The following ATP8A2 variants were observed in gnomAD, a reference collection of about 807,000 sequenced individuals.
The protein encoded by ATP8A2 is phospholipid-transporting ATPase IB.
ATP8A2 carries 100 observed loss-of-function variants against 165.6 expected under a neutral mutation model. The observed-to-expected ratio is 0.60, with a 90% CI of 0.51 to 0.71. The LOEUF (loss-of-function observed/expected upper bound fraction) is 0.71, where lower values mean the gene tolerates loss of function less well. ATP8A2 is among the 30% of genes least tolerant of loss of function. The probability of loss-of-function intolerance (pLI) is 0.00; values close to 1 mark genes in which losing one functional copy is unlikely to be tolerated. For missense variants in ATP8A2, 1,227 were observed against 1,479.5 expected (o/e 0.83, Z 2.80); for synonymous variants, 543 against 548.8 (o/e 0.99, Z 0.15).
At chr13:25,846,179 A>G (rs9319245) in intron 30 of ATP8A2, among the ~76,000 whole-genome samples, 2,257 of 152,290 alleles carry the variant, frequency 0.015, 72 homozygotes, top group African/African-American at 0.049. Flanking sequence ...CAGTCCCAAA[A>G]CAAAACAAAA....
At chr13:25,523,008 C>G (rs2037718413) in intron 2 of ATP8A2, among the ~76,000 whole-genome samples, 1 of 151,738 alleles carries the variant, frequency 6.6e-6, no homozygotes, top group Admixed American at 6.6e-5. Context: ...GCCTGTAATC[C>G]TAGTTACTCT....
intron 1 of ATP8A2, among the ~76,000 whole-genome samples, chr13:25,450,372 T>G (rs925440234): frequency 3.3e-5 from 5 of 152,200 alleles, no homozygotes; most frequent in Non-Finnish European, 5.9e-5. Context: ...GGTATTTTTC[T>G]GTCTTTAGAT....
chr13:25,691,539 G>A (rs926277054), intron 24 of ATP8A2, among the ~76,000 whole-genome samples: 7 of 152,190 alleles, frequency 4.6e-5, no homozygotes, highest in Non-Finnish European at 8.8e-5. Flanking sequence ...TGGGGTAAGT[G>A]GGAAAAGATA....
intron 15 of ATP8A2, among the ~76,000 whole-genome samples, chr13:25,561,612 T>A (rs1018985323): frequency 2.0e-5 from 3 of 151,714 alleles, no homozygotes; most frequent in Non-Finnish European, 2.9e-5. Context: ...TATATTTTCA[T>A]TTCTTTTTGT....
intron 1 of ATP8A2, among the ~76,000 whole-genome samples, chr13:25,377,062 G>A (rs190983188): frequency 5.1e-4 from 77 of 152,308 alleles, no homozygotes; most frequent in African/African-American, 1.8e-3. Context: ...CATTTACAAC[G>A]GATGTGTTAT....
intron 33 of ATP8A2, among the ~76,000 whole-genome samples, chr13:25,882,515 A>G (rs1227017626): frequency 4.6e-5 from 7 of 152,196 alleles, no homozygotes; most frequent in Admixed American, 3.3e-4. Context: ...AGAAAATTGA[A>G]TTATGTAGGT....
chr13:25,811,303 T>C (rs1347322312), intron 27 of ATP8A2, among the ~76,000 whole-genome samples: 1 of 152,188 alleles, frequency 6.6e-6, no homozygotes, highest in East Asian at 1.9e-4. Context: ...AATGTCAATG[T>C]AGAAATGAAA....
At chr13:25,670,361 C>T (rs568969235) in intron 24 of ATP8A2, among the ~76,000 whole-genome samples, 5 of 152,310 alleles carry the variant, frequency 3.3e-5, no homozygotes, top group Admixed American at 2.0e-4. Flanking sequence ...ATCAGACGTT[C>T]TGCAGTCTCT....
At chr13:25,567,178 C>A (rs1045109857) in intron 16 of ATP8A2, 1 of 347,368 alleles carries the variant, frequency 2.9e-6, no homozygotes, top group Non-Finnish European at 5.7e-6. Context: ...CTTTCCAAAG[C>A]TGGCCCGGGA....
At chr13:25,626,374 G>A (rs977354059) in intron 24 of ATP8A2, among the ~76,000 whole-genome samples, 1 of 152,162 alleles carries the variant, frequency 6.6e-6, no homozygotes, top group Non-Finnish European at 1.5e-5. Flanking sequence ...AAGAGCACAA[G>A]AGCATGTGTG....
intron 24 of ATP8A2, among the ~76,000 whole-genome samples, chr13:25,613,679 C>T (rs749034157): frequency 1.3e-5 from 2 of 152,178 alleles, no homozygotes; most frequent in Non-Finnish European, 2.9e-5. Flanking sequence ...AAAAGACTAT[C>T]TTTCCTTCAT....
At chr13:25,376,608 T>C (rs903352821) in intron 1 of ATP8A2, among the ~76,000 whole-genome samples, 4 of 152,272 alleles carry the variant, frequency 2.6e-5, no homozygotes, top group Non-Finnish European at 4.4e-5. Flanking sequence ...TCTGTGGGTA[T>C]GTGCATATAA....
At chr13:25,625,862 C>T (rs565994266) in intron 24 of ATP8A2, among the ~76,000 whole-genome samples, 83 of 152,208 alleles carry the variant, frequency 5.5e-4, no homozygotes, top group African/African-American at 1.9e-3. Context: ...TCCCATTTTA[C>T]GGATGAATAT....
At chr13:25,490,113 G>A (rs1285130135) in intron 2 of ATP8A2, among the ~76,000 whole-genome samples, 1 of 152,224 alleles carries the variant, frequency 6.6e-6, no homozygotes, top group Non-Finnish European at 1.5e-5. Flanking sequence ...ATTTGAGTAA[G>A]GGAAGTGTAG....
chr13:25,448,397 G>A (rs1566140288), intron 1 of ATP8A2, among the ~76,000 whole-genome samples: 1 of 152,008 alleles, frequency 6.6e-6, no homozygotes, highest in Admixed American at 6.6e-5. Context: ...TACACATAAA[G>A]TCAACAGAAA....
At chr13:25,394,497 C>A (rs1441672286) in intron 1 of ATP8A2, among the ~76,000 whole-genome samples, 3 of 152,150 alleles carry the variant, frequency 2.0e-5, no homozygotes, top group Non-Finnish European at 4.4e-5. Flanking sequence ...CCAGGCTGTG[C>A]CCCCGAGCCT....
At chr13:25,915,357 T>C (rs989265946) in intron 33 of ATP8A2, among the ~76,000 whole-genome samples, 6 of 152,162 alleles carry the variant, frequency 3.9e-5, no homozygotes, top group African/African-American at 1.2e-4. Flanking sequence ...GCAGATGTCA[T>C]AGAGGGGACT....
chr13:25,902,143 G>C (rs931793313), intron 33 of ATP8A2, among the ~76,000 whole-genome samples: 7 of 152,114 alleles, frequency 4.6e-5, no homozygotes, highest in Non-Finnish European at 8.8e-5. Flanking sequence ...AGCAGGAAAG[G>C]AATGGAAGAT....
At position 25,539,060 on chromosome 13, in the gene ATP8A2, A is replaced by AGTT. The variant is rs377730928; in HGVS notation, c.581+1001_581+1002insTGT. Among the ~76,000 whole-genome samples the AGTT allele has an allele frequency of 1.2e-3, 168 of 137,508 alleles. 1 individual carries two copies. Among genetic ancestry groups the AGTT allele is most frequent in the African/African-American group, 4.3e-3 (160 of 37,520 alleles). The allele number at this position is 137,508 out of a possible 152,430, so 90.2% of individuals were successfully genotyped here. On this transcript the variant is annotated intron_variant, in intron 7 of 36. Coordinates refer to ENST00000381655, the MANE Select transcript of ATP8A2 (RefSeq NM_016529.6). The stretch of plus-strand genomic sequence containing the variant: ...TCTTGGCTGTGACCTTAGAAAATTT[A>AGTT]GTGTGTGTGTGTGTGTGTGTGTGTG...
Sources: gnomAD v4.1 joint callset for allele counts (sites outside exome capture counted in the v4.1 genomes callset) on GRCh38, gnomAD v4.1.1 for gene constraint, MANE v1.5 for transcripts, NCBI Gene and HGNC (gene_info 2026-07-23, HGNC 2026-07-21) for gene names.